The following SYN3 variants were observed in gnomAD, a reference collection of about 807,000 sequenced individuals.
SYN3 encodes synapsin III.
Under a neutral mutation model 65.8 loss-of-function variants are expected in SYN3, and 35 were observed. The ratio of observed to expected loss-of-function variants is 0.53; its 90% confidence interval spans 0.41 to 0.70. SYN3 has a LOEUF of 0.70. Ranked by LOEUF, SYN3 falls within the 30% of genes least tolerant of loss-of-function variation. SYN3 has a pLI of 0.00. For synonymous variants in SYN3, 270 were observed against 292.9 expected, an observed-to-expected ratio of 0.92 and a Z score of 0.80; for missense variants, 680 against 749.0, an observed-to-expected ratio of 0.91 and a Z score of 1.08.
At chr22:32,985,327 C>T (rs937791741) in intron 2 of SYN3, among the ~76,000 whole-genome samples, 2 of 152,074 alleles carry the variant, frequency 1.3e-5, no homozygotes, top group African/African-American at 2.4e-5. Flanking sequence ...GCTGGGGACC[C>T]ACAAATAAAC....
chr22:32,698,293 A>G (rs2060765524), intron 6 of SYN3, among the ~76,000 whole-genome samples: 1 of 151,532 alleles, frequency 6.6e-6, no homozygotes, highest in Admixed American at 6.6e-5. Flanking sequence ...ATCTGCATGA[A>G]TCTCTATTGA....
chr22:33,038,267 C>T (rs2053895369), intron 1 of SYN3, among the ~76,000 whole-genome samples: 1 of 152,228 alleles, frequency 6.6e-6, no homozygotes, highest in African/African-American at 2.4e-5. Flanking sequence ...GCCTTCACAT[C>T]CTGGCATCAG....
intron 4 of SYN3, among the ~76,000 whole-genome samples, chr22:32,904,923 T>C (rs1188287316): frequency 6.6e-6 from 1 of 152,212 alleles, no homozygotes; most frequent in Non-Finnish European, 1.5e-5. Context: ...TGGATAATGG[T>C]ACAAATTATA....
chr22:32,999,858 C>T (rs908895616), intron 2 of SYN3, among the ~76,000 whole-genome samples: 1 of 152,050 alleles, frequency 6.6e-6, no homozygotes, highest in African/African-American at 2.4e-5. Context: ...CAGGCAGGAG[C>T]AAAGTGAAAC....
rs1056484 is a variant in SYN3, at chr22:32,512,751, T to C, written c.*941A>G. On this transcript the variant is annotated 3_prime_UTR_variant, in exon 14 of 14. Coordinates refer to ENST00000358763, the MANE Select transcript of SYN3 (RefSeq NM_003490.4). ...TGAAATGCCAAACTAGAAGTGACTATCATTGCACTTCGGATCCTATGTCAT... is the reference window on the plus strand; with the variant it reads ...TGAAATGCCAAACTAGAAGTGACTACCATTGCACTTCGGATCCTATGTCAT... 0.5 allele frequency: 76,304 copies of C among 152,118 alleles called. 23,680 individuals are homozygous for C. Among genetic ancestry groups the C allele is most frequent in the East Asian group, 0.91 (4,731 of 5,176 alleles). The allele number at this position is 152,118 out of a possible 1,614,324, so 9.4% of individuals were successfully genotyped here.
intron 5 of SYN3, among the ~76,000 whole-genome samples, chr22:32,867,604 G>A (rs1412754303): frequency 2.0e-5 from 3 of 152,090 alleles, no homozygotes; most frequent in Non-Finnish European, 2.9e-5. Flanking sequence ...TTTTCTTTGA[G>A]ATGGAGTCTT....
intron 2 of SYN3, among the ~76,000 whole-genome samples, chr22:32,991,946 C>T (rs1275000445): frequency 6.6e-6 from 1 of 152,238 alleles, no homozygotes; most frequent in Admixed American, 6.5e-5. Flanking sequence ...ATGAGGCTGG[C>T]ATCTGCCCAG....
At chr22:32,623,783 T>C (rs2146766707) in intron 6 of SYN3, among the ~76,000 whole-genome samples, 1 of 152,354 alleles carries the variant, frequency 6.6e-6, no homozygotes, top group Non-Finnish European at 1.5e-5. Flanking sequence ...ATGGCATTTT[T>C]CTAATAATAA....
chr22:32,525,512 C>A (rs2057961143), intron 12 of SYN3, among the ~76,000 whole-genome samples: 1 of 151,978 alleles, frequency 6.6e-6, no homozygotes, highest in Non-Finnish European at 1.5e-5. Flanking sequence ...TCGAGACCAG[C>A]CTGGCAAACA....
At chr22:32,924,270 A>G (rs2050410770) in intron 4 of SYN3, among the ~76,000 whole-genome samples, 1 of 152,244 alleles carries the variant, frequency 6.6e-6, no homozygotes, top group South Asian at 2.1e-4. Context: ...TGAAGGACAC[A>G]CTGAGTCACA....
At chr22:32,920,063 A>C (rs1024583126) in intron 4 of SYN3, among the ~76,000 whole-genome samples, 1 of 152,144 alleles carries the variant, frequency 6.6e-6, no homozygotes, top group African/African-American at 2.4e-5. Context: ...CCTTTCGTCA[A>C]GGTCTTGCAT....
At chr22:32,625,340 A>G (rs999213583) in intron 6 of SYN3, among the ~76,000 whole-genome samples, 1 of 152,212 alleles carries the variant, frequency 6.6e-6, no homozygotes, top group Non-Finnish European at 1.5e-5. Context: ...AGATCCAGCC[A>G]TCCATGTGCC....
intron 6 of SYN3, chr22:32,861,004 G>C (rs951822383): frequency 4.0e-5 from 6 of 151,546 alleles, no homozygotes; most frequent in African/African-American, 1.5e-4. Flanking sequence ...GTGAGATGCT[G>C]AGAGTAGGTG....
At chr22:32,749,782 A>G (rs1271548204) in intron 6 of SYN3, among the ~76,000 whole-genome samples, 5 of 152,202 alleles carry the variant, frequency 3.3e-5, no homozygotes, top group Non-Finnish European at 1.5e-5. Context: ...CTCTCTGGCA[A>G]TGATAAATAT....
intron 6 of SYN3, among the ~76,000 whole-genome samples, chr22:32,702,774 T>C (rs1374959531): frequency 6.6e-6 from 1 of 152,238 alleles, no homozygotes; most frequent in African/African-American, 2.4e-5. Flanking sequence ...GTACCATAGT[T>C]CCTGTGTGAA....
chr22:32,603,443 C>T (rs2059315465), intron 6 of SYN3, among the ~76,000 whole-genome samples: 1 of 151,270 alleles, frequency 6.6e-6, no homozygotes, highest in South Asian at 2.1e-4. Flanking sequence ...TGGCGTCAAT[C>T]CAGGAGGTGG....
In SYN3 at chr22:32,541,597, T is replaced by C. The variant is rs2058255401; in HGVS notation, c.891A>G (p.Lys297=). Residue 297 remains lysine (K), a synonymous_variant, in exon 8 of 14, where the codon AAA becomes AAG. Coordinates refer to ENST00000358763, the MANE Select transcript of SYN3 (RefSeq NM_003490.4). ...TGTAAGCCTTGTAGTTGGATCCAAT[T>C]TTCTGGATGCGGATGTCGTACTTGG... is the stretch of plus-strand genomic sequence containing the variant. ...IDSKYDIRIQ[K]IGSNYKAYMR... is the part of the protein sequence containing the mutation. 6.2e-7 allele frequency: 1 copy of C among 1,614,042 alleles called. No individual in the cohort carries two copies. The highest frequency in any genetic ancestry group is 8.5e-7 in the Non-Finnish European group (1 of 1,180,004).
intron 6 of SYN3, among the ~76,000 whole-genome samples, chr22:32,805,122 C>T (rs1272756791): frequency 1.3e-5 from 2 of 152,150 alleles, no homozygotes; most frequent in African/African-American, 2.4e-5. Context: ...TTCAGAATGC[C>T]AAGCCCTTCT....
At chr22:32,574,239 G>A (rs1171686173) in intron 7 of SYN3, among the ~76,000 whole-genome samples, 3 of 151,986 alleles carry the variant, frequency 2.0e-5, no homozygotes, top group Admixed American at 6.6e-5. Flanking sequence ...CCAGCCACTC[G>A]GGAGGCTGAG....
Sources: gnomAD v4.1 joint callset for allele counts (sites outside exome capture counted in the v4.1 genomes callset) on GRCh38, gnomAD v4.1.1 for gene constraint, MANE v1.5 for transcripts, NCBI Gene and HGNC (gene_info 2026-07-23, HGNC 2026-07-21) for gene names.